The following XKR6 variants were observed in gnomAD, a reference collection of about 807,000 sequenced individuals.
XKR6 encodes XK related 6, also known as XK-related protein 6.
In XKR6, 22 loss-of-function variants were observed where a neutral mutation model predicts 56.7. That is an observed-to-expected ratio of 0.39 (90% CI 0.28 to 0.55). The LOEUF (loss-of-function observed/expected upper bound fraction) is 0.55. Ranked by LOEUF, XKR6 falls within the 20% of genes least tolerant of loss-of-function variation. The pLI is 0.66. For missense variants in XKR6, 852 were observed against 889.0 expected (o/e 0.96, Z 0.53); for synonymous variants, 524 against 387.8 (o/e 1.35, Z -4.13).
rs546768218 is a variant in XKR6 at position 10,991,837 on chromosome 8, G to T, written c.765-67007C>A. ...TTACACCTGACCATGTATCTAAATT[G>T]GAATTGTCTCAAACACTGTTCTTCC... On this transcript the variant is annotated intron_variant, in intron 1 of 2. Transcript: ENST00000416569. 1.9e-4 allele frequency among the ~76,000 whole-genome samples: 29 copies of T among 152,234 alleles called. 1 individual carries two copies. The South Asian group carries it at 6.0e-3, about 32-fold the overall frequency.
intron 1 of XKR6, among the ~76,000 whole-genome samples, chr8:11,014,187 C>T (rs751382097): frequency 6.6e-6 from 1 of 152,160 alleles, no homozygotes; most frequent in African/African-American, 2.4e-5. Context: ...TTTGCATAAT[C>T]CATATTTTCA....
chr8:10,938,129 A>G (rs1801281092), intron 1 of XKR6, among the ~76,000 whole-genome samples: 1 of 152,172 alleles, frequency 6.6e-6, no homozygotes, highest in Non-Finnish European at 1.5e-5. Context: ...GCCGGTCTGA[A>G]AAGCGCAATA....
chr8:11,176,477 CT>C (rs1802661295), intron 1 of XKR6, among the ~76,000 whole-genome samples: 1 of 152,080 alleles, frequency 6.6e-6, no homozygotes, highest in Non-Finnish European at 1.5e-5. Flanking sequence ...TACTGGTTAA[CT>C]GGTGTTTTTA....
At chr8:11,157,856 T>G (rs1186818298) in intron 1 of XKR6, among the ~76,000 whole-genome samples, 1 of 152,156 alleles carries the variant, frequency 6.6e-6, no homozygotes, top group Non-Finnish European at 1.5e-5. Flanking sequence ...TAGTTACAAA[T>G]CTCTGAGATT....
chr8:11,106,483 G>A (rs2129177802), intron 1 of XKR6: 1 of 152,388 alleles, frequency 6.6e-6, no homozygotes, highest in African/African-American at 2.4e-5. Flanking sequence ...CCAACACCCA[G>A]GAGAGGGCCT....
At chr8:10,978,754 TC>T (rs2129136559) in intron 1 of XKR6, among the ~76,000 whole-genome samples, 1 of 152,304 alleles carries the variant, frequency 6.6e-6, no homozygotes, top group South Asian at 2.1e-4. Context: ...CCAGTCTCCC[TC>T]CCTGGCCAGG....
intron 1 of XKR6, among the ~76,000 whole-genome samples, chr8:11,016,462 A>C (rs1798625536): frequency 6.6e-6 from 1 of 152,170 alleles, no homozygotes; most frequent in Admixed American, 6.5e-5. Flanking sequence ...CTCGAGGCGC[A>C]GACAACAAGC....
rs143572895 is a variant in XKR6, at chr8:11,031,862, T to C, written c.765-107032A>G. 9.7e-4 allele frequency among the ~76,000 whole-genome samples: 148 copies of C among 152,330 alleles called. 1 individual carries two copies. In the East Asian group the frequency reaches 0.016, roughly 16 times the overall value. The stretch of plus-strand genomic sequence containing the variant: ...ACTGATGCAGAATCCATGTGTGATT[T>C]ATTTTTGCATCCCAAAGCACCCAGC... On this transcript the variant is annotated intron_variant, in intron 1 of 2. Transcript: ENST00000416569.
In XKR6 at chr8:10,953,367, C is replaced by T. The variant is rs186941154; in HGVS notation, c.765-28537G>A. ...ACCTTCTTTCTCTTGCTCCTGCTCC[C>T]ACCATCTGAGATGCCTGCTCCCCCT... On this transcript the variant is annotated intron_variant, in intron 1 of 2. Transcript: ENST00000416569. 1.5e-4 allele frequency among the ~76,000 whole-genome samples: 23 copies of T among 152,274 alleles called. No homozygotes were observed. In the East Asian group the frequency reaches 4.3e-3, roughly 28 times the overall value.
intron 1 of XKR6, among the ~76,000 whole-genome samples, chr8:11,189,314 C>A (rs566526212): frequency 5.3e-5 from 8 of 152,322 alleles, no homozygotes; most frequent in African/African-American, 1.9e-4. Flanking sequence ...ATAATAATGA[C>A]CTTGAAATAC....
chr8:11,137,615 G>A (rs753922309), intron 1 of XKR6: 6 of 456,076 alleles, frequency 1.3e-5, no homozygotes, highest in South Asian at 7.7e-5. Context: ...TACACCAAAT[G>A]AACTCAGGAG....
intron 1 of XKR6, among the ~76,000 whole-genome samples, chr8:11,092,892 A>G (rs1331351601): frequency 6.6e-6 from 1 of 152,212 alleles, no homozygotes; most frequent in Admixed American, 6.5e-5. Context: ...ACAGCAGGCC[A>G]TGAGGGCCAA....
At position 10,977,721 on chromosome 8, in the gene XKR6, A is replaced by G. The variant is rs564364013; in HGVS notation, c.765-52891T>C. The stretch of plus-strand genomic sequence containing the variant: ...GATAGAGACAGTGCAGGGGTCATAG[A>G]ACGAGGAGAAGTTTTGGAATCAGGC... On this transcript the variant is annotated intron_variant, in intron 1 of 2. Transcript: ENST00000416569. Among the ~76,000 whole-genome samples the G allele has an allele frequency of 6.8e-4, 103 of 150,952 alleles. 1 individual carries two copies. The highest frequency in any genetic ancestry group is 2.4e-3 in the African/African-American group (99 of 41,168).
chr8:11,105,401 C>A (rs182035336), intron 1 of XKR6: 1 of 152,216 alleles, frequency 6.6e-6, no homozygotes, highest in Non-Finnish European at 1.5e-5. Flanking sequence ...TGGCACCTGC[C>A]CTCCGCTGGT....
intron 1 of XKR6, among the ~76,000 whole-genome samples, chr8:10,953,745 C>A (rs375356663): frequency 5.9e-5 from 9 of 152,198 alleles, no homozygotes; most frequent in African/African-American, 1.9e-4. Flanking sequence ...GTGCAACCAT[C>A]GCCACCATCT....
At position 10,898,277 on chromosome 8, in the gene XKR6, G is replaced by A; in HGVS notation, c.1601C>T (p.Pro534Leu). ...PDVEPMAPEI[P>L]GYRGTQVTPT... is the part of the protein sequence containing the mutation. Reference sequence around the variant, plus strand: ...CGTAACCTGGGTCCCCCGGTACCCAGGGATCTCAGGCGCCATGGGCTCAAC... The same window carrying A: ...CGTAACCTGGGTCCCCCGGTACCCAAGGATCTCAGGCGCCATGGGCTCAAC... Residue 534 changes from proline to leucine, a missense_variant, in exon 3 of 3, where the codon CCT becomes CTT. Pro to Leu is a moderately conservative substitution (Grantham distance 98). This residue lies in a region of XKR6 where 197 missense variants were observed against 190.9 expected (regional missense o/e 1.03). Coordinates refer to ENST00000416569, the MANE Select transcript of XKR6 (RefSeq NM_173683.4). The surrounding 1 kb of genome is among the most constrained non-coding windows in gnomAD (Gnocchi z 6.6). 1 of 1,614,140 alleles carries A rather than the reference G, an allele frequency of 6.2e-7. No homozygotes were observed. The highest frequency in any genetic ancestry group is 8.5e-7 in the Non-Finnish European group (1 of 1,180,014).
intron 1 of XKR6, among the ~76,000 whole-genome samples, chr8:10,959,864 G>C (rs1004625878): frequency 2.0e-5 from 3 of 152,186 alleles, no homozygotes; most frequent in Non-Finnish European, 2.9e-5. Flanking sequence ...TCTGAGAATG[G>C]GTGGGAAGTG....
At chr8:10,913,441 G>T (rs1248728721) in intron 2 of XKR6, among the ~76,000 whole-genome samples, 2 of 152,092 alleles carry the variant, frequency 1.3e-5, no homozygotes, top group Non-Finnish European at 2.9e-5. Flanking sequence ...AGTGCCCTGG[G>T]AGACACAGCC....
rs191877811 is a variant in XKR6 at position 11,171,641 on chromosome 8, T to C, written c.764+28935A>G. Among the ~76,000 whole-genome samples the C allele has an allele frequency of 3.3e-5, 5 of 152,324 alleles. No individual in the cohort carries two copies. The East Asian group carries it at 7.7e-4, about 23-fold the overall frequency. On this transcript the variant is annotated intron_variant, in intron 1 of 2. Transcript: ENST00000416569. ...TGATCTCTGCACACACAAGCCCTCT[T>C]AGCCTTCTGCCATGAGTGGAAGCAG... is the stretch of plus-strand genomic sequence containing the variant.
Sources: gnomAD v4.1 joint callset for allele counts (sites outside exome capture counted in the v4.1 genomes callset) on GRCh38, gnomAD v4.1.1 for gene constraint, gnomAD v4.1.1 regional missense constraint, Gnocchi (gnomAD v3.1) non-coding constraint, MANE v1.5 for transcripts, NCBI Gene and HGNC (gene_info 2026-07-23, HGNC 2026-07-21) for gene names.